Variants in N4BP2 observed in about 807,000 individuals in gnomAD.
The protein encoded by N4BP2 is NEDD4-binding protein 2.
A neutral mutation model predicts 152.8 loss-of-function variants in N4BP2; 91 were observed. The ratio of observed to expected loss-of-function variants is 0.60; its 90% CI spans 0.50 to 0.71. N4BP2 has a LOEUF of 0.71. N4BP2 is among the 30% of genes least tolerant of loss of function. The pLI is 0.00. For missense variants in N4BP2, 1,923 were observed against 2,059.1 expected (o/e 0.93, Z 1.28); for synonymous variants, 646 against 705.3 (o/e 0.92, Z 1.33).
chr4:40,086,041 CT>C (rs1426023168), intron 2 of N4BP2, among the ~76,000 whole-genome samples: 3 of 151,530 alleles, frequency 2.0e-5, no homozygotes, highest in Non-Finnish European at 4.4e-5. Context: ...TCTCAGCTCA[CT>C]GCAACCTCTC....
At chr4:40,093,349 C>A (rs540557465) in intron 2 of N4BP2, among the ~76,000 whole-genome samples, 1 of 152,184 alleles carries the variant, frequency 6.6e-6, no homozygotes, top group East Asian at 1.9e-4. Context: ...TTTGAGACTT[C>A]TTTTCTAATG....
the N4BP2 span, among the ~76,000 whole-genome samples, chr4:40,189,604 T>C: frequency 6.6e-6 from 1 of 151,996 alleles, no homozygotes; most frequent in Admixed American, 6.6e-5. The surrounding 1 kb of genome is among the most constrained non-coding windows in gnomAD (Gnocchi z 4.3). Flanking sequence ...CATTGAACAT[T>C]ATGGCGAGGC....
At chr4:40,086,845 T>C (rs1714017130) in intron 2 of N4BP2, among the ~76,000 whole-genome samples, 1 of 152,120 alleles carries the variant, frequency 6.6e-6, no homozygotes, top group African/African-American at 2.4e-5. Flanking sequence ...CCTCCTGGGC[T>C]GAAGTGATCC....
At chr4:40,150,942 A>G (rs1721099443) in intron 16 of N4BP2, among the ~76,000 whole-genome samples, 1 of 152,212 alleles carries the variant, frequency 6.6e-6, no homozygotes, top group Non-Finnish European at 1.5e-5. Context: ...TATGCTTTTT[A>G]AAGGAGTCCT....
At chr4:40,169,794 A>G in the N4BP2 span, among the ~76,000 whole-genome samples, 7 of 151,680 alleles carry the variant, frequency 4.6e-5, no homozygotes, top group East Asian at 1.9e-4. Context: ...GTGAAACCCC[A>G]TCTCTGTTAA....
intron 14 of N4BP2, among the ~76,000 whole-genome samples, chr4:40,139,989 A>C (rs1475461979): frequency 6.8e-6 from 1 of 147,612 alleles, no homozygotes; most frequent in Non-Finnish European, 1.5e-5. Flanking sequence ...TTGTAGAGAT[A>C]GGGTTTTGGT....
At chr4:40,094,668 T>C (rs529662208) in intron 2 of N4BP2, among the ~76,000 whole-genome samples, 1 of 152,190 alleles carries the variant, frequency 6.6e-6, no homozygotes, top group South Asian at 2.1e-4. Context: ...CAATTCTGCC[T>C]TAGCCTCTCG....
At chr4:40,165,801 TTG>T in the N4BP2 span, among the ~76,000 whole-genome samples, 2 of 152,212 alleles carry the variant, frequency 1.3e-5, no homozygotes, top group Admixed American at 1.3e-4. Context: ...TAGGAAACAT[TTG>T]TGTTTTATAT....
chr4:40,174,134 T>G, the N4BP2 span, among the ~76,000 whole-genome samples: 2 of 152,156 alleles, frequency 1.3e-5, no homozygotes, highest in African/African-American at 2.4e-5. Context: ...TCCAGCACTT[T>G]GGGAGGCTGA....
chr4:40,147,523 C>T (rs1364253406), intron 16 of N4BP2, among the ~76,000 whole-genome samples: 3 of 145,366 alleles, frequency 2.1e-5, no homozygotes, highest in Non-Finnish European at 4.5e-5. Flanking sequence ...CCGGACGGGG[C>T]GGCTGGCCGG....
rs1428323268 is a variant in N4BP2 at position 40,120,619 on chromosome 4, T to C, written c.2508T>C (p.Asp836=). Residue 836 remains aspartate, a synonymous_variant, in exon 9 of 18, where the codon GAT becomes GAC. Coordinates refer to ENST00000261435, the MANE Select transcript of N4BP2 (RefSeq NM_018177.6). The stretch of plus-strand genomic sequence containing the variant: ...TTAACAGTGTATCTGTGAATACAGA[T>C]TGTGTCCAGCAACGAGGATCTCCAC... The part of the protein sequence containing the change: ...KLVNSVSVNT[D]CVQQRGSPHE... 1.4e-5 allele frequency: 22 copies of C among 1,614,096 alleles called. No individual in the cohort carries two copies. The highest frequency in any genetic ancestry group is 1.8e-5 in the Non-Finnish European group (21 of 1,180,002).
chr4:40,100,955 C>T (rs1200344565), intron 3 of N4BP2, among the ~76,000 whole-genome samples: 3 of 152,196 alleles, frequency 2.0e-5, no homozygotes, highest in African/African-American at 4.8e-5. Flanking sequence ...CTTAACATGA[C>T]ATACAGGACT....
downstream of N4BP2, among the ~76,000 whole-genome samples, chr4:40,160,439 A>G (rs909780124): frequency 6.6e-6 from 1 of 152,182 alleles, no homozygotes; most frequent in Non-Finnish European, 1.5e-5. Context: ...ATGTGGTGCA[A>G]TACTCGCCTG....
At chr4:40,081,281 C>T (rs1713342232) in intron 2 of N4BP2, among the ~76,000 whole-genome samples, 1 of 152,006 alleles carries the variant, frequency 6.6e-6, no homozygotes, top group South Asian at 2.1e-4. Context: ...TAAGTCAGTC[C>T]CTTTTGTGTG....
At chr4:40,104,102 A>G (rs888492291) in intron 4 of N4BP2, among the ~76,000 whole-genome samples, 5 of 151,622 alleles carry the variant, frequency 3.3e-5, no homozygotes, top group Admixed American at 6.6e-5. Context: ...ACAGGCGCCC[A>G]CCACCACGCC....
At position 40,144,648 on chromosome 4, in the gene N4BP2, A is replaced by G. The variant is rs778524931; in HGVS notation, c.4991A>G (p.Gln1664Arg). Residue 1664 changes from glutamine to arginine, a missense_variant, in exon 16 of 18, where the codon CAG (glutamine) becomes CGG (arginine). Physicochemically the swap from Gln to Arg is conservative, Grantham distance 43. Transcript: ENST00000261435. ...FYAQQGTLHEQKMKEANHLAA... is the reference protein window; with the variant it reads ...FYAQQGTLHERKMKEANHLAA... ...ATGATTTAGGGTACTCTTCATGAGC[A>G]GAAGATGAAAGAAGCCAATCACCTT... 6 of 1,612,136 alleles carry G rather than the reference A, an allele frequency of 3.7e-6. No homozygotes were observed. Among genetic ancestry groups the G allele is most frequent in the Non-Finnish European group, 4.2e-6 (5 of 1,179,290 alleles).
the N4BP2 span, among the ~76,000 whole-genome samples, chr4:40,190,202 C>T: frequency 6.6e-6 from 1 of 152,150 alleles, no homozygotes; most frequent in African/African-American, 2.4e-5. Context: ...TATTTCTGTT[C>T]TTGTTGTTCG....
chr4:40,141,120 G>A (rs981752540), intron 14 of N4BP2, among the ~76,000 whole-genome samples: 3 of 152,092 alleles, frequency 2.0e-5, no homozygotes, highest in African/African-American at 7.2e-5. Flanking sequence ...CTCCCAGATG[G>A]AGTGGTGGCC....
At chr4:40,103,441 AAAAATT>A (rs1050644348) in intron 4 of N4BP2, among the ~76,000 whole-genome samples, 1 of 152,214 alleles carries the variant, frequency 6.6e-6, no homozygotes, top group African/African-American at 2.4e-5. Flanking sequence ...AGACAGAAGA[AAAAATT>A]AAAGACAATT....
Sources: allele counts gnomAD v4.1 joint callset (sites outside exome capture counted in the v4.1 genomes callset), GRCh38; gene constraint gnomAD v4.1.1; non-coding constraint Gnocchi (gnomAD v3.1); transcripts MANE v1.5; gene names NCBI Gene and HGNC (gene_info 2026-07-23, HGNC 2026-07-21).